The following GABRA3 variants were observed in gnomAD, a reference collection of about 807,000 sequenced individuals.
GABRA3 encodes the protein gamma-aminobutyric acid type A receptor subunit alpha3.
GABRA3 carries 10 observed loss-of-function variants against 30.1 expected under a neutral mutation model. The ratio of observed to expected loss-of-function variants is 0.33; its 90% CI spans 0.20 to 0.56. The LOEUF is 0.56. GABRA3 is among the 20% of genes least tolerant of loss of function. The pLI is 0.89. For synonymous variants in GABRA3, 151 were observed against 146.8 expected (o/e 1.03, Z -0.21); for missense variants, 233 against 392.0 (o/e 0.59, Z 3.42).
chrX:152,372,228 G>A (rs773716961), intron 1 of GABRA3, among the ~76,000 whole-genome samples: 13 of 110,842 alleles, frequency 1.2e-4, no homozygotes, highest in Non-Finnish European at 2.5e-4. Flanking sequence ...GGATATTTTC[G>A]GAATCCTAAG....
At chrX:152,444,735 T>G (rs1210213215) in intron 1 of GABRA3, among the ~76,000 whole-genome samples, 3 of 3,886 alleles carry the variant, frequency 7.7e-4, no homozygotes, top group African/African-American at 2.2e-3. Context: ...TACTTGTGTG[T>G]TTTTTTTTTT....
intron 1 of GABRA3, among the ~76,000 whole-genome samples, chrX:152,366,274 C>T (rs1361664382): frequency 8.9e-6 from 1 of 111,788 alleles, no homozygotes; most frequent in Non-Finnish European, 1.9e-5. Flanking sequence ...GACAACTACT[C>T]TACAGGAACA....
At chrX:152,204,299 C>T (rs1366830993) in intron 7 of GABRA3, among the ~76,000 whole-genome samples, 1 of 111,370 alleles carries the variant, frequency 9.0e-6, no homozygotes, top group Non-Finnish European at 1.9e-5. Flanking sequence ...CAGTATATAC[C>T]TGTTATTTGA....
At chrX:152,292,355 G>T (rs936715067) in intron 3 of GABRA3, among the ~76,000 whole-genome samples, 1 of 111,561 alleles carries the variant, frequency 9.0e-6, no homozygotes, top group Non-Finnish European at 1.9e-5. Context: ...GATGTAGTTT[G>T]TATTGATGTT....
chrX:152,359,256 G>A (rs1412187157), intron 2 of GABRA3, among the ~76,000 whole-genome samples: 1 of 110,875 alleles, frequency 9.0e-6, no homozygotes, highest in Non-Finnish European at 1.9e-5. Flanking sequence ...GTCTGTTCAG[G>A]GATTCAATTT....
intron 1 of GABRA3, among the ~76,000 whole-genome samples, chrX:152,397,806 G>A (rs761834570): frequency 1.9e-4 from 21 of 110,786 alleles, no homozygotes; most frequent in East Asian, 5.7e-4. Context: ...TTTATGGATC[G>A]GGCACAATAA....
intron 3 of GABRA3, among the ~76,000 whole-genome samples, chrX:152,314,469 A>T (rs1336687362): frequency 8.9e-6 from 1 of 112,423 alleles, no homozygotes; most frequent in African/African-American, 3.2e-5. Flanking sequence ...TGGCTTCATA[A>T]CATAATTTGA....
intron 9 of GABRA3, among the ~76,000 whole-genome samples, chrX:152,182,673 A>T (rs867655063): frequency 4.1e-5 from 3 of 72,442 alleles, no homozygotes; most frequent in African/African-American, 1.1e-4. Flanking sequence ...GTATATATAC[A>T]CTATATATAC....
chrX:152,190,830 T>C (rs1005429945), intron 8 of GABRA3, among the ~76,000 whole-genome samples: 1 of 109,307 alleles, frequency 9.1e-6, no homozygotes. Flanking sequence ...AATTATATTT[T>C]ACATTTTTTC....
intron 1 of GABRA3, among the ~76,000 whole-genome samples, chrX:152,429,721 TCTC>T (rs1243432707): frequency 8.9e-6 from 1 of 112,054 alleles, no homozygotes; most frequent in African/African-American, 3.2e-5. Context: ...ACTCCTGTCT[TCTC>T]TTCTTCCTGT....
intron 1 of GABRA3, among the ~76,000 whole-genome samples, chrX:152,414,175 T>C (rs1412249543): frequency 3.6e-5 from 4 of 111,440 alleles, no homozygotes; most frequent in African/African-American, 9.7e-5. Context: ...AACCTGTACA[T>C]GGATGTTCAC....
intron 4 of GABRA3, among the ~76,000 whole-genome samples, chrX:152,282,878 T>A (rs967955643): frequency 6.2e-5 from 7 of 112,170 alleles, no homozygotes. Context: ...TTTGTCTGAA[T>A]GTTATTTATG....
In GABRA3 at chrX:152,295,715, A is replaced by G. The variant is rs139589213; in HGVS notation, c.263-10980T>C. Among the ~76,000 whole-genome samples the G allele has an allele frequency of 1.9e-3, 217 of 111,960 alleles. 4 individuals are homozygous for G. The East Asian group carries it at 0.049, about 25-fold the overall frequency. On this transcript the variant is annotated intron_variant, in intron 3 of 9. Coordinates refer to ENST00000370314, the MANE Select transcript of GABRA3 (RefSeq NM_000808.4). Reference sequence around the variant, plus strand: ...TCCATGGGCTGCACCCACTGTCCAAACAGTCCCAATGAGATGAAACGTTTA... The same window carrying G: ...TCCATGGGCTGCACCCACTGTCCAAGCAGTCCCAATGAGATGAAACGTTTA...
intron 3 of GABRA3, among the ~76,000 whole-genome samples, chrX:152,299,985 G>A (rs991274712): frequency 3.6e-5 from 4 of 112,301 alleles, no homozygotes; most frequent in African/African-American, 1.3e-4. Context: ...AGGTCAGAGA[G>A]TGTGGGGGAA....
At chrX:152,441,125 A>C (rs1220835066) in intron 1 of GABRA3, among the ~76,000 whole-genome samples, 1 of 111,388 alleles carries the variant, frequency 9.0e-6, no homozygotes, top group Non-Finnish European at 1.9e-5. Flanking sequence ...TAGTAAGGGA[A>C]ATTTTCTCTA....
At chrX:152,271,288 G>A (rs1036429198) in intron 4 of GABRA3, among the ~76,000 whole-genome samples, 3 of 111,785 alleles carry the variant, frequency 2.7e-5, no homozygotes, top group African/African-American at 9.8e-5. Context: ...GAATGGCTTG[G>A]ACCAAAATGC....
At position 152,366,052 on chromosome X, in the gene GABRA3, C is replaced by T. The variant is rs952767303; in HGVS notation, c.-26-1456G>A. Among the ~76,000 whole-genome samples, 6 of 111,572 alleles carry T rather than the reference C, an allele frequency of 5.4e-5. No individual in the cohort carries two copies. In the Admixed American group the frequency reaches 5.7e-4, roughly 11 times the overall value. On this transcript the variant is annotated intron_variant, in intron 1 of 9. Coordinates refer to ENST00000370314, the MANE Select transcript of GABRA3 (RefSeq NM_000808.4). ...AATAAAAGAGTTGATGGACATTTTA[C>T]AGGAGTATACAGGAATGGTACGGTT...
At chrX:152,176,200 A>C (rs1445821965) in intron 9 of GABRA3, among the ~76,000 whole-genome samples, 3 of 111,459 alleles carry the variant, frequency 2.7e-5, no homozygotes, top group Non-Finnish European at 5.7e-5. Context: ...AGATCTAAGG[A>C]CAAGATCCTG....
intron 3 of GABRA3, among the ~76,000 whole-genome samples, chrX:152,285,370 G>C (rs997955569): frequency 9.0e-6 from 1 of 111,551 alleles, no homozygotes; most frequent in Admixed American, 9.6e-5. Flanking sequence ...ATAATTTTTG[G>C]GGGGGTTAAT....
Sources: allele counts gnomAD v4.1 joint callset (sites outside exome capture counted in the v4.1 genomes callset), GRCh38; gene constraint gnomAD v4.1.1; transcripts MANE v1.5; gene names NCBI Gene and HGNC (gene_info 2026-07-23, HGNC 2026-07-21).